CDH3: variants seen among roughly 807,000 people sequenced by gnomAD.
CDH3 encodes cadherin 3.
CDH3 carries 54 observed loss-of-function variants against 82.0 expected under a neutral mutation model. That is an observed-to-expected ratio of 0.66 (90% CI 0.53 to 0.83). CDH3 has a LOEUF of 0.83. Among genes scored for constraint, CDH3 ranks in the 40% least tolerant of loss-of-function variants. The probability of loss-of-function intolerance (pLI) is 0.00; values close to 1 mark genes in which losing one functional copy is unlikely to be tolerated. For synonymous variants in CDH3, 446 were observed against 437.9 expected, an observed-to-expected ratio of 1.02 and a Z score of -0.23; for missense variants, 1,054 against 1,084.6, an observed-to-expected ratio of 0.97 and a Z score of 0.40.
Position 68,687,751 on chromosome 16 carries a change from G to T in CDH3, c.1795+15G>T, listed in dbSNP as rs778182386. The stretch of plus-strand genomic sequence containing the variant: ...CAACGAGGAAGGTACCTGAGTGAGT[G>T]GTGGTAGCGGGTGGGGTGCCAGCCC... On this transcript the variant is annotated intron_variant, in intron 12 of 15. Transcript: ENST00000264012. The T allele has an allele frequency of 6.3e-7, 1 of 1,589,194 alleles. No homozygotes were observed. The highest frequency in any genetic ancestry group is 1.1e-5 in the South Asian group (1 of 90,566).
rs923001566 is a variant in CDH3, at chr16:68,707,718, G to A, written c.99+11795G>A. 2.6e-5 allele frequency among the ~76,000 whole-genome samples: 4 copies of A among 152,110 alleles called. No homozygotes were observed. The highest frequency in any genetic ancestry group is 4.4e-5 in the Non-Finnish European group (3 of 67,992). On this transcript the variant is annotated intron_variant, in intron 1 of 2. Coordinates refer to the CDH3 transcript ENST00000569080. This position sits in a 1 kb window ranked among gnomAD's most constrained non-coding sequence, Gnocchi z 4.5. ...TGAGCCTGCAGTGCAGTTGGGGATC[G>A]CCAGGTGGTCACTGCCAGCCTTGTC...
chr16:68,678,931 C>T (rs756715671), intron 6 of CDH3, 25 bp downstream of exon 6: 2 of 1,611,792 alleles, frequency 1.2e-6, no homozygotes. Flanking sequence ...AAGGGGACTG[C>T]TACGGGGCTG....
rs145091935 is a variant in CDH3 at position 68,721,814 on chromosome 16, G to A, written c.100-611G>A. Among the ~76,000 whole-genome samples, 231 of 152,282 alleles carry A rather than the reference G, an allele frequency of 1.5e-3. 2 individuals are homozygous for A. The Middle Eastern group carries it at 0.041, about 27-fold the overall frequency. ...TGTTAAGATCATCCTTGTTGGCCAG[G>A]CGTGGTGGCTCACGCCTGTAATTCT... On this transcript the variant is annotated intron_variant, in intron 1 of 2. Transcript: ENST00000569080.
chr16:68,668,695 A>C (rs773862466), intron 2 of CDH3, among the ~76,000 whole-genome samples: 4 of 152,202 alleles, frequency 2.6e-5, no homozygotes, highest in Admixed American at 2.0e-4. Context: ...CTCTGGTCCC[A>C]TGTGTCACCA....
intron 2 of CDH3, among the ~76,000 whole-genome samples, chr16:68,726,861 G>A (rs990441287): frequency 3.3e-5 from 5 of 152,200 alleles, no homozygotes; most frequent in African/African-American, 4.8e-5. Context: ...TTACAGGCAT[G>A]AGCCACCGCG....
intron 1 of CDH3, among the ~76,000 whole-genome samples, chr16:68,709,540 C>T (rs1189016474): frequency 2.6e-5 from 4 of 152,150 alleles, no homozygotes; most frequent in Non-Finnish European, 4.4e-5. Flanking sequence ...CTTACTGCAA[C>T]CTCTGCCTCC....
downstream of CDH3, among the ~76,000 whole-genome samples, chr16:68,732,142 T>C (rs1342639081): frequency 6.7e-6 from 1 of 149,704 alleles, no homozygotes; most frequent in Non-Finnish European, 1.5e-5. Context: ...CGCCCCTCCA[T>C]GCTGGCAGGC....
chr16:68,655,842 G>A (rs986793018), intron 2 of CDH3, among the ~76,000 whole-genome samples: 8 of 152,114 alleles, frequency 5.3e-5, no homozygotes, highest in Admixed American at 6.6e-5. Flanking sequence ...CAGCCTGGGC[G>A]ACAGAGCGAG....
At chr16:68,729,790 C>T (rs1597833673), downstream of CDH3, among the ~76,000 whole-genome samples, 1 of 152,046 alleles carries the variant, frequency 6.6e-6, no homozygotes, top group Non-Finnish European at 1.5e-5. Flanking sequence ...CGCCACCACA[C>T]CAGGCTATTT....
chr16:68,666,770 C>T (rs1235804264), intron 2 of CDH3, among the ~76,000 whole-genome samples: 1 of 152,044 alleles, frequency 6.6e-6, no homozygotes, highest in Non-Finnish European at 1.5e-5. Context: ...GCTTTTTTCC[C>T]CCCTCTGCAA....
chr16:68,696,059 T>C, intron 15 of CDH3, 136 bp downstream of exon 15: 1 of 883,176 alleles, frequency 1.1e-6, no homozygotes, highest in Non-Finnish European at 1.8e-6. Flanking sequence ...TTTTGACCTC[T>C]GGCTTATTTG....
Position 68,685,277 on chromosome 16 carries a change from C to G in CDH3, c.1497C>G (p.Gly499=), listed in dbSNP as rs764406070. 6 of 1,614,122 alleles carry G rather than the reference C, an allele frequency of 3.7e-6. No homozygotes were observed. The East Asian group carries it at 1.3e-4, about 36-fold the overall frequency. ...ACAGTGGGCAGGTCACAGCTGTGGG[C>G]ACCCTCGACCGTGAGGATGAGCAGT... ...DPDSGQVTAV[G]TLDREDEQFV... is the part of the protein sequence containing the mutation. The change falls in exon 11 of 16, where the codon GGC becomes GGG. Residue 499 remains glycine (G), a synonymous_variant. Coordinates refer to ENST00000264012, the MANE Select transcript of CDH3 (RefSeq NM_001793.6).
chr16:68,668,247 C>T (rs1960791238), intron 2 of CDH3, among the ~76,000 whole-genome samples: 1 of 152,116 alleles, frequency 6.6e-6, no homozygotes, highest in Admixed American at 6.5e-5. Context: ...CAAGTTGCCC[C>T]AGAAAGAGTT....
At chr16:68,716,243 G>GA (rs1567464224) in intron 1 of CDH3, among the ~76,000 whole-genome samples, 1 of 151,642 alleles carries the variant, frequency 6.6e-6, no homozygotes, top group East Asian at 1.9e-4. Flanking sequence ...CTAAGCACTG[G>GA]AAAAAACCCA....
chr16:68,688,413 C>T (rs1003093627), intron 12 of CDH3, among the ~76,000 whole-genome samples: 1 of 151,898 alleles, frequency 6.6e-6, no homozygotes, highest in African/African-American at 2.4e-5. Context: ...TATGGTGAAA[C>T]CCCGTCTCTA....
chr16:68,658,899 T>A (rs545343264), intron 2 of CDH3, among the ~76,000 whole-genome samples: 4 of 152,172 alleles, frequency 2.6e-5, no homozygotes, highest in Non-Finnish European at 5.9e-5. Context: ...TATTTTTTTA[T>A]CGTCTCCTCC....
chr16:68,677,360 A>C (rs1567447217), intron 3 of CDH3, among the ~76,000 whole-genome samples: 1 of 152,246 alleles, frequency 6.6e-6, no homozygotes, highest in Non-Finnish European at 1.5e-5. Flanking sequence ...TACCTGGCAC[A>C]TATTAAGCAC....
intron 1 of CDH3, 44 bp downstream of exon 1, chr16:68,645,468 G>C: frequency 6.2e-7 from 1 of 1,601,748 alleles, no homozygotes; most frequent in South Asian, 1.1e-5. Context: ...ACCGCTCCCT[G>C]GGGGGCGGGC....
At chr16:68,712,760 C>CA in intron 1 of CDH3, among the ~76,000 whole-genome samples, 1 of 152,056 alleles carries the variant, frequency 6.6e-6, no homozygotes, top group Non-Finnish European at 1.5e-5. Context: ...TGGCTCACTG[C>CA]AACCTCCGCC....
Sources: allele counts gnomAD v4.1 joint callset (sites outside exome capture counted in the v4.1 genomes callset), GRCh38; gene constraint gnomAD v4.1.1; non-coding constraint Gnocchi (gnomAD v3.1); transcripts MANE v1.5; gene names NCBI Gene and HGNC (gene_info 2026-07-23, HGNC 2026-07-21).